The following SLC4A8 variants were observed in gnomAD, a reference collection of about 807,000 sequenced individuals.
SLC4A8 encodes solute carrier family 4 member 8.
In SLC4A8, 40 loss-of-function variants were observed where a neutral mutation model predicts 125.0. The ratio of observed to expected loss-of-function variants is 0.32; its 90% confidence interval spans 0.25 to 0.42. The LOEUF is 0.42. Ranked by LOEUF, SLC4A8 falls within the 10% of genes least tolerant of loss-of-function variation. SLC4A8 has a pLI of 1.00. For missense variants in SLC4A8, 863 were observed against 1,355.1 expected, an observed-to-expected ratio of 0.64 and a Z score of 5.70; for synonymous variants, 456 against 476.0, an observed-to-expected ratio of 0.96 and a Z score of 0.55.
chr12:51,414,542 G>A (rs1185657520), intron 1 of SLC4A8, among the ~76,000 whole-genome samples: 1 of 152,152 alleles, frequency 6.6e-6, no homozygotes, highest in African/African-American at 2.4e-5. Context: ...CTTGAGCCCA[G>A]GAGTTTGAGA....
At chr12:51,428,378 CA>C (rs1350989906) in intron 1 of SLC4A8, among the ~76,000 whole-genome samples, 1 of 152,114 alleles carries the variant, frequency 6.6e-6, no homozygotes, top group East Asian at 1.9e-4. Context: ...AATTGGTGCT[CA>C]ATTGCATAAG....
chr12:51,400,763 T>TACAC (rs1670114556), intron 1 of SLC4A8, among the ~76,000 whole-genome samples: 1 of 8,678 alleles, frequency 1.2e-4, no homozygotes, highest in African/African-American at 3.4e-4. Flanking sequence ...TATATATATA[T>TACAC]ATATATATAT....
chr12:51,438,939 A>G (rs1039386245), intron 1 of SLC4A8, among the ~76,000 whole-genome samples: 6 of 152,178 alleles, frequency 3.9e-5, no homozygotes, highest in African/African-American at 1.2e-4. Flanking sequence ...AGAATTGTGT[A>G]TTCATTCTTT....
chr12:51,486,994 G>T (rs1446662121), intron 17 of SLC4A8, among the ~76,000 whole-genome samples: 1 of 152,206 alleles, frequency 6.6e-6, no homozygotes, highest in Non-Finnish European at 1.5e-5. Context: ...GATCAGTGCT[G>T]CAGGAGGAAT....
intron 3 of SLC4A8, 31 bp from the exon 4 acceptor site, chr12:51,452,093 A>G (rs202005995): frequency 1.2e-6 from 2 of 1,612,982 alleles, no homozygotes; most frequent in Admixed American, 1.7e-5. Context: ...GTGAGGCTAG[A>G]GCAGACCTTT....
chr12:51,421,815 G>C (rs1241828888), upstream of SLC4A8: 1 of 152,194 alleles, frequency 6.6e-6, no homozygotes, highest in East Asian at 1.9e-4. Context: ...AAGAACTCTA[G>C]AATCAGAGAG....
At chr12:51,422,985 T>C (rs1286750422), upstream of SLC4A8, among the ~76,000 whole-genome samples, 1 of 152,214 alleles carries the variant, frequency 6.6e-6, no homozygotes, top group African/African-American at 2.4e-5. Context: ...CCCTTGGAGA[T>C]ATATATTTTA....
chr12:51,421,503 T>C (rs944445679), upstream of SLC4A8, among the ~76,000 whole-genome samples: 1 of 152,192 alleles, frequency 6.6e-6, no homozygotes, highest in African/African-American at 2.4e-5. Flanking sequence ...CTCTGACTTT[T>C]TCCACATTTG....
chr12:51,502,572 C>T (rs1937948563), intron 22 of SLC4A8, among the ~76,000 whole-genome samples: 1 of 151,870 alleles, frequency 6.6e-6, no homozygotes, highest in Admixed American at 6.6e-5. Flanking sequence ...GCTCTGTCGC[C>T]CAGGCTGGAG....
At chr12:51,438,203 A>G (rs7311635) in intron 1 of SLC4A8, among the ~76,000 whole-genome samples, 56,916 of 151,996 alleles carry the variant, frequency 0.37, 10,973 homozygotes, top group East Asian at 0.44. Context: ...TCATCCTACT[A>G]TAGTATAGAA....
chr12:51,427,190 G>A (rs1445441256), intron 1 of SLC4A8, among the ~76,000 whole-genome samples: 3 of 151,942 alleles, frequency 2.0e-5, no homozygotes, highest in Non-Finnish European at 4.4e-5. Flanking sequence ...TGCCCGCCTC[G>A]GCCTCCCAAA....
chr12:51,495,067 C>A lies in SLC4A8; in HGVS notation c.2892C>A (p.Val964=). 6.2e-7 allele frequency: 1 copy of A among 1,614,130 alleles called. No homozygotes were observed. The highest frequency in any genetic ancestry group is 2.2e-5 in the East Asian group (1 of 44,892). The change falls in exon 21 of 25, where the codon GTC becomes GTA. Residue 964 remains valine, a synonymous_variant. Coordinates refer to ENST00000453097, the MANE Select transcript of SLC4A8 (RefSeq NM_001039960.3). ...LFTLIQLTCL[V]LLWVIKASPA... ...CCCTCATCCAGTTGACCTGTCTCGTCCTGCTCTGGGTCATCAAGGCATCTC... is the reference window on the plus strand; with the variant it reads ...CCCTCATCCAGTTGACCTGTCTCGTACTGCTCTGGGTCATCAAGGCATCTC...
At chr12:51,391,811 C>T (rs1376753783) in intron 1 of SLC4A8, 1 of 152,374 alleles carries the variant, frequency 6.6e-6, no homozygotes, top group African/African-American at 2.4e-5. Context: ...GAGGGGCGCC[C>T]CGGCTTCTCT....
At chr12:51,394,462 G>C (rs1373454089) in intron 1 of SLC4A8, among the ~76,000 whole-genome samples, 1 of 152,244 alleles carries the variant, frequency 6.6e-6, no homozygotes, top group African/African-American at 2.4e-5. Context: ...AAGGTTTGCA[G>C]ATGAGCCACC....
chr12:51,437,867 G>A lies in SLC4A8; in HGVS notation c.49-2841G>A, dbSNP rs375480754. On this transcript the variant is annotated intron_variant, in intron 1 of 24. Coordinates refer to ENST00000453097, the MANE Select transcript of SLC4A8 (RefSeq NM_001039960.3). The stretch of plus-strand genomic sequence containing the variant: ...ATCAGTCAGCTTGGCTGGAGTTGCA[G>A]GTTTGAGAAGGGAAATAGATTGCCA... Among the ~76,000 whole-genome samples the A allele has an allele frequency of 4.6e-5, 7 of 152,148 alleles. No individual in the cohort carries two copies. The East Asian group carries it at 1.3e-3, about 29-fold the overall frequency.
chr12:51,503,258 C>G (rs1938010505), intron 22 of SLC4A8, among the ~76,000 whole-genome samples: 1 of 149,644 alleles, frequency 6.7e-6, no homozygotes, highest in South Asian at 2.1e-4. Flanking sequence ...GGAGTCTCAC[C>G]CTGTTGCCCA....
chr12:51,447,757 C>T (rs1180055335), intron 2 of SLC4A8, among the ~76,000 whole-genome samples: 1 of 148,106 alleles, frequency 6.8e-6, no homozygotes, highest in Non-Finnish European at 1.5e-5. Context: ...CGCTCTGTCA[C>T]CCAGGCTGGA....
At chr12:51,480,556 T>A in intron 16 of SLC4A8, 2 of 987,636 alleles carry the variant, frequency 2.0e-6, no homozygotes, top group Non-Finnish European at 2.4e-6. Flanking sequence ...CCCGTAAATA[T>A]CTTTTGATTT....
At chr12:51,448,421 G>C (rs1319339187) in intron 2 of SLC4A8, among the ~76,000 whole-genome samples, 1 of 152,228 alleles carries the variant, frequency 6.6e-6, no homozygotes, top group African/African-American at 2.4e-5. Context: ...ATTTGAGATG[G>C]AGGATGGTGA....
Sources: allele counts gnomAD v4.1 joint callset (sites outside exome capture counted in the v4.1 genomes callset), GRCh38; gene constraint gnomAD v4.1.1; transcripts MANE v1.5; gene names NCBI Gene and HGNC (gene_info 2026-07-23, HGNC 2026-07-21).